PTBP3: variants seen among roughly 807,000 people sequenced by gnomAD.
PTBP3 encodes the protein polypyrimidine tract-binding protein 3.
Under a neutral mutation model 58.7 loss-of-function variants are expected in PTBP3, and 20 were observed. The ratio of observed to expected loss-of-function variants is 0.34; its 90% CI spans 0.24 to 0.50. The LOEUF is 0.50. PTBP3 is among the 20% of genes least tolerant of loss of function. The pLI is 0.98. For missense variants in PTBP3, 509 were observed against 637.2 expected, an observed-to-expected ratio of 0.80 and a Z score of 2.17; for synonymous variants, 185 against 219.8, an observed-to-expected ratio of 0.84 and a Z score of 1.40.
chr9:112,263,212 T>A (rs540826530), intron 4 of PTBP3, among the ~76,000 whole-genome samples: 1 of 152,144 alleles, frequency 6.6e-6, no homozygotes, highest in Admixed American at 6.5e-5. Context: ...TGTATCAAAA[T>A]AATAACAACT....
chr9:112,286,915 T>C (rs1828143935), intron 2 of PTBP3, among the ~76,000 whole-genome samples: 1 of 152,154 alleles, frequency 6.6e-6, no homozygotes, highest in Admixed American at 6.5e-5. Context: ...TTTCCAGCAC[T>C]CTAATGATGC....
intron 12 of PTBP3, 33 bp from the exon 13 acceptor site, chr9:112,224,243 G>A (rs1834900350): frequency 3.0e-6 from 4 of 1,340,476 alleles, no homozygotes; most frequent in South Asian, 3.0e-5. Context: ...CAACTACCTG[G>A]GCCGCATTCT....
chr9:112,333,170 C>G (rs1352748749), intron 1 of PTBP3: 1 of 1,171,698 alleles, frequency 8.5e-7, no homozygotes, highest in Non-Finnish European at 1.1e-6. Flanking sequence ...GAGGGCGGAC[C>G]TCGGCACCGC....
intron 1 of PTBP3, among the ~76,000 whole-genome samples, chr9:112,319,917 C>G (rs1284647606): frequency 6.6e-6 from 1 of 152,058 alleles, no homozygotes; most frequent in East Asian, 1.9e-4. Context: ...CAAAATAAGC[C>G]AGGCGCAGAA....
intron 2 of PTBP3, among the ~76,000 whole-genome samples, chr9:112,283,250 G>C (rs142160407): frequency 6.6e-6 from 1 of 152,192 alleles, no homozygotes. Context: ...CTGGGTAATG[G>C]GCAGAGGTTG....
the PTBP3 span, among the ~76,000 whole-genome samples, chr9:112,376,575 C>T: frequency 3.3e-5 from 5 of 151,956 alleles, no homozygotes; most frequent in Admixed American, 6.6e-5. Context: ...CTCACATGAT[C>T]ACAAGGTCCC....
intron 1 of PTBP3, among the ~76,000 whole-genome samples, chr9:112,319,730 T>C (rs1829845392): frequency 6.6e-6 from 1 of 152,200 alleles, no homozygotes; most frequent in African/African-American, 2.4e-5. Context: ...CATTCCCATG[T>C]TCATTGCAGA....
At chr9:112,323,881 C>T (rs1011199504) in intron 1 of PTBP3, among the ~76,000 whole-genome samples, 5 of 152,080 alleles carry the variant, frequency 3.3e-5, no homozygotes, top group African/African-American at 1.2e-4. Context: ...CAAGAATTTT[C>T]CATAATTAGT....
intron 7 of PTBP3, among the ~76,000 whole-genome samples, chr9:112,240,648 G>T (rs1333336771): frequency 8.1e-5 from 12 of 147,352 alleles, no homozygotes; most frequent in African/African-American, 2.7e-4. Context: ...ACTCCTACTT[G>T]TTTTTTTTTT....
At chr9:112,290,672 TA>T (rs141146042) in intron 2 of PTBP3, among the ~76,000 whole-genome samples, 2,238 of 52,288 alleles carry the variant, frequency 0.043, 23 homozygotes, top group East Asian at 0.078. Context: ...ACTCTGTCTT[TA>T]AAAAAAAAAA....
the PTBP3 span, among the ~76,000 whole-genome samples, chr9:112,347,341 CTT>C: frequency 1.5e-3 from 193 of 130,828 alleles, no homozygotes; most frequent in Admixed American, 2.3e-3. Context: ...ACTGGGATAC[CTT>C]TTTTTTTTTT....
At position 112,224,196 on chromosome 9, in the gene PTBP3, A is replaced by T. The variant is rs775094063; in HGVS notation, c.1379T>A (p.Val460Glu). 2.6e-6 allele frequency: 4 copies of T among 1,550,332 alleles called. No individual in the cohort carries two copies. Among genetic ancestry groups the T allele is most frequent in the African/African-American group, 1.4e-5 (1 of 71,980 alleles). ...HLSNIPPSVTVDDLKNLFIEA... is the reference protein window; with the variant it reads ...HLSNIPPSVTEDDLKNLFIEA... Reference sequence around the variant, plus strand: ...TATGAAAAGGTTCTTCAGATCATCCACTGTAACAGAAGGGCTGTGAAAACA... The same window carrying T: ...TATGAAAAGGTTCTTCAGATCATCCTCTGTAACAGAAGGGCTGTGAAAACA... The change falls in exon 13 of 14, where the codon GTG (valine) becomes GAG (glutamate). Residue 460 changes from valine to glutamate, a missense_variant. Around this residue, in one of 4 missense-constraint regions of PTBP3, gnomAD observed 135 missense variants for 229.0 expected, o/e 0.59. Coordinates refer to ENST00000374257, the MANE Select transcript of PTBP3 (RefSeq NM_001163788.4).
chr9:112,227,323 G>T, intron 12 of PTBP3, 88 bp downstream of exon 12: 1 of 1,405,972 alleles, frequency 7.1e-7, no homozygotes, highest in South Asian at 1.2e-5. Flanking sequence ...TGCTAGGTTA[G>T]AACAATTTCA....
the PTBP3 span, among the ~76,000 whole-genome samples, chr9:112,376,505 G>C: frequency 6.6e-6 from 1 of 151,872 alleles, no homozygotes; most frequent in Non-Finnish European, 1.5e-5. Flanking sequence ...GCCTGCCTCG[G>C]CCTCCCAAAG....
intron 1 of PTBP3, among the ~76,000 whole-genome samples, chr9:112,321,522 T>C (rs1262711068): frequency 1.2e-4 from 8 of 66,892 alleles, no homozygotes; most frequent in Middle Eastern, 6.8e-3. Flanking sequence ...GAGTGAGACG[T>C]AGTCTGAAAA....
the PTBP3 span, among the ~76,000 whole-genome samples, chr9:112,348,250 T>C: frequency 1.3e-5 from 2 of 152,202 alleles, no homozygotes; most frequent in South Asian, 2.1e-4. Flanking sequence ...AGGCAGTTGG[T>C]AAATTATTTC....
intron 7 of PTBP3, among the ~76,000 whole-genome samples, chr9:112,237,564 A>C (rs1835482233): frequency 6.6e-6 from 1 of 152,228 alleles, no homozygotes; most frequent in African/African-American, 2.4e-5. Context: ...CTTACTGCAG[A>C]AAAACGCTCA....
intron 2 of PTBP3, among the ~76,000 whole-genome samples, chr9:112,293,766 C>T (rs1277939184): frequency 6.6e-6 from 1 of 152,152 alleles, no homozygotes; most frequent in African/African-American, 2.4e-5. Flanking sequence ...GTCCTTGTTA[C>T]CCTTCCTGTG....
intron 1 of PTBP3, among the ~76,000 whole-genome samples, chr9:112,329,910 G>A (rs1374356411): frequency 2.1e-5 from 3 of 144,168 alleles, no homozygotes; most frequent in East Asian, 2.0e-4. Flanking sequence ...GCAGTGACAC[G>A]GTCACACTCA....
Sources: gnomAD v4.1 joint callset for allele counts (sites outside exome capture counted in the v4.1 genomes callset) on GRCh38, gnomAD v4.1.1 for gene constraint, gnomAD v4.1.1 regional missense constraint, MANE v1.5 for transcripts, NCBI Gene and HGNC (gene_info 2026-07-23, HGNC 2026-07-21) for gene names.